Variants in CFAP20DC observed in about 807,000 individuals in gnomAD.
CFAP20DC encodes protein CFAP20DC.
CFAP20DC carries 84 observed loss-of-function variants against 101.7 expected under a neutral mutation model. The observed-to-expected ratio is 0.83, with a 90% CI of 0.69 to 0.99. The LOEUF (loss-of-function observed/expected upper bound fraction) is 0.99. Among genes scored for constraint, CFAP20DC ranks in the 50% least tolerant of loss-of-function variants. The pLI is 0.00. For missense variants in CFAP20DC, 1,007 were observed against 970.3 expected (o/e 1.04, Z -0.50); for synonymous variants, 359 against 351.2 (o/e 1.02, Z -0.25).
intron 4 of CFAP20DC, among the ~76,000 whole-genome samples, chr3:58,989,572 T>C: frequency 6.6e-6 from 1 of 152,146 alleles, no homozygotes; most frequent in Non-Finnish European, 1.5e-5. Context: ...AATTTTGTAA[T>C]ATAAGTACAT....
At chr3:58,805,655 T>C (rs1463344457) in intron 15 of CFAP20DC, among the ~76,000 whole-genome samples, 1 of 152,198 alleles carries the variant, frequency 6.6e-6, no homozygotes, top group Admixed American at 6.5e-5. Flanking sequence ...ATATGGACTT[T>C]TCAATAATTT....
intron 14 of CFAP20DC, among the ~76,000 whole-genome samples, chr3:58,819,517 T>C (rs1442412387): frequency 3.3e-5 from 5 of 149,720 alleles, no homozygotes; most frequent in Non-Finnish European, 7.4e-5. Flanking sequence ...CAAACACCTC[T>C]ACGCAAATAA....
At chr3:58,761,851 G>A (rs1416094790) in intron 15 of CFAP20DC, among the ~76,000 whole-genome samples, 1 of 152,176 alleles carries the variant, frequency 6.6e-6, no homozygotes, top group East Asian at 1.9e-4. Flanking sequence ...GCGGTTTTGA[G>A]TGAGTTTCTT....
chr3:58,862,628 A>G (rs1432287471), intron 12 of CFAP20DC: 2 of 985,302 alleles, frequency 2.0e-6, no homozygotes, highest in Non-Finnish European at 2.4e-6. Context: ...GGTGCTATGG[A>G]CTTAATCTGT....
intron 12 of CFAP20DC, among the ~76,000 whole-genome samples, chr3:58,855,443 T>C (rs1032350492): frequency 6.6e-6 from 1 of 152,064 alleles, no homozygotes; most frequent in Non-Finnish European, 1.5e-5. Flanking sequence ...TCCTCAGGGA[T>C]CTAGAACTAG....
chr3:58,923,397 G>A (rs531945560), intron 5 of CFAP20DC, among the ~76,000 whole-genome samples: 10 of 151,680 alleles, frequency 6.6e-5, no homozygotes, highest in Admixed American at 2.6e-4. Context: ...TAATATTTTC[G>A]TAGCATCAGT....
At position 58,753,845 on chromosome 3, in the gene CFAP20DC, C is replaced by T; in HGVS notation, c.2256G>A (p.Leu752=). The change falls in exon 16 of 17, where the codon TTG becomes TTA. Residue 752 remains leucine (L), a synonymous_variant. Coordinates refer to ENST00000482387, the MANE Select transcript of CFAP20DC (RefSeq NM_001394063.1). ...PSNPRDWLNM[L]SPPIVPPSQQ... ...GACTGGGAGGAACGATTGGTGGGCT[C>T]AACATATTTAACCAGTCCCTAAAAA... is the stretch of plus-strand genomic sequence containing the variant. The T allele has an allele frequency of 6.2e-7, 1 of 1,611,556 alleles. No individual in the cohort carries two copies. Among genetic ancestry groups the T allele is most frequent in the Non-Finnish European group, 8.5e-7 (1 of 1,178,458 alleles).
intron 15 of CFAP20DC, among the ~76,000 whole-genome samples, chr3:58,784,758 G>T (rs1433574206): frequency 2.0e-5 from 3 of 152,020 alleles, no homozygotes; most frequent in Non-Finnish European, 4.4e-5. Context: ...TTCCACAGTC[G>T]CTGAACTAAC....
Position 58,831,718 on chromosome 3 carries a change from C to A in CFAP20DC, c.2143G>T (p.Asp715Tyr), listed in dbSNP as rs557149953. The A allele has an allele frequency of 6.2e-7, 1 of 1,613,942 alleles. No homozygotes were observed. Among genetic ancestry groups the A allele is most frequent in the South Asian group, 1.1e-5 (1 of 91,062 alleles). Residue 715 changes from aspartate (D) to tyrosine (Y), a missense_variant, in exon 14 of 17, where the codon GAC (aspartate) becomes TAC (tyrosine). Asp to Tyr is a radical substitution (Grantham distance 160). Transcript: ENST00000482387. ...CNVSISTSSDDTTTWNSCLPP... is the reference protein window; with the variant it reads ...CNVSISTSSDYTTTWNSCLPP... ...AGGCAGGAGTTCCAGGTGGTTGTGT[C>A]GTCACTGCTGGTACTTATGCTGACA... is the stretch of plus-strand genomic sequence containing the variant.
chr3:58,863,201 T>C lies in CFAP20DC; in HGVS notation c.1593+357A>G, dbSNP rs974779432. 4.3e-6 allele frequency: 5 copies of C among 1,172,970 alleles called. No individual in the cohort carries two copies. The highest frequency in any genetic ancestry group is 5.2e-6 in the Non-Finnish European group (5 of 952,462). 72.7% of individuals were successfully genotyped at this position (1,172,970 alleles called of 1,614,324 possible). A position where few individuals can be genotyped will look rare whatever the true frequency, so the allele number is the denominator to read the frequency against. On this transcript the variant is annotated intron_variant, in intron 12 of 16. Coordinates refer to ENST00000482387, the MANE Select transcript of CFAP20DC (RefSeq NM_001394063.1). The surrounding 1 kb of genome is among the most constrained non-coding windows in gnomAD (Gnocchi z 5.9). ...GAATGCTTAGCAACTGCAACACAAT[T>C]TCTCCAGAGATCTAGAACAGTATAT...
At chr3:58,932,681 T>A (rs1209533075) in intron 5 of CFAP20DC, among the ~76,000 whole-genome samples, 1 of 152,078 alleles carries the variant, frequency 6.6e-6, no homozygotes, top group Non-Finnish European at 1.5e-5. Context: ...CTAAGCTTCA[T>A]AAGTGAAGGA....
At chr3:58,720,073 G>A (rs2067450220) in intron 3 of CFAP20DC, among the ~76,000 whole-genome samples, 1 of 152,174 alleles carries the variant, frequency 6.6e-6, no homozygotes, top group Admixed American at 6.5e-5. Flanking sequence ...TCAGGTCAAG[G>A]CCACCCTCCC....
chr3:58,757,054 G>T lies in CFAP20DC; in HGVS notation c.2238-3191C>A, dbSNP rs537096203. ...TATGTTTATTTTTGTATACTTAGAG[G>T]TAAATCCTGAAAAGGTAAATTTCTA... On this transcript the variant is annotated intron_variant, in intron 15 of 16. Coordinates refer to ENST00000482387, the MANE Select transcript of CFAP20DC (RefSeq NM_001394063.1). Among the ~76,000 whole-genome samples, 6 of 152,082 alleles carry T rather than the reference G, an allele frequency of 3.9e-5. No homozygotes were observed. In the South Asian group the frequency reaches 1.2e-3, roughly 32 times the overall value.
rs1267895640 is a variant in CFAP20DC, at chr3:58,799,732, TC to T, written c.2237+6662del. Among the ~76,000 whole-genome samples the T allele has an allele frequency of 8.4e-5, 11 of 130,232 alleles. No individual in the cohort carries two copies. Among genetic ancestry groups the T allele is most frequent in the African/African-American group, 2.2e-4 (7 of 31,412 alleles). 85.4% of individuals were successfully genotyped at this position (130,232 alleles called of 152,430 possible). A position where few individuals can be genotyped will look rare whatever the true frequency, so the allele number is the denominator to read the frequency against. ...CAGTGTGTGTGTGTCTGTGTGTGTGTCTGTGTGTGTGTGTGTGTGTGTGTGT... is the reference window on the plus strand; with the variant it reads ...CAGTGTGTGTGTGTCTGTGTGTGTGTTGTGTGTGTGTGTGTGTGTGTGTGT... On this transcript the variant is annotated intron_variant, in intron 15 of 16. Coordinates refer to ENST00000482387, the MANE Select transcript of CFAP20DC (RefSeq NM_001394063.1). This position sits in a 1 kb window ranked among gnomAD's most constrained non-coding sequence, Gnocchi z 4.9.
chr3:58,811,265 G>A (rs1380202336), intron 14 of CFAP20DC, among the ~76,000 whole-genome samples: 2 of 152,090 alleles, frequency 1.3e-5, no homozygotes, highest in Admixed American at 6.6e-5. Flanking sequence ...TAAGCCAAAA[G>A]AACAAAGCTG....
intron 6 of CFAP20DC, among the ~76,000 whole-genome samples, chr3:58,911,051 A>G (rs2084100879): frequency 6.6e-6 from 1 of 152,138 alleles, no homozygotes; most frequent in Non-Finnish European, 1.5e-5. Flanking sequence ...CATCTTATGA[A>G]TGGAAACTAT....
At chr3:58,808,826 C>T (rs1474588739) in intron 14 of CFAP20DC, among the ~76,000 whole-genome samples, 3 of 152,252 alleles carry the variant, frequency 2.0e-5, no homozygotes, top group South Asian at 2.1e-4. Flanking sequence ...ACCCATCTCA[C>T]ATGCAGAGAC....
Position 58,892,307 on chromosome 3 carries a change from G to C in CFAP20DC, c.551-7598C>G, listed in dbSNP as rs966792093. On this transcript the variant is annotated intron_variant, in intron 6 of 16. Coordinates refer to ENST00000482387, the MANE Select transcript of CFAP20DC (RefSeq NM_001394063.1). This position sits in a 1 kb window ranked among gnomAD's most constrained non-coding sequence, Gnocchi z 4.0. Reference sequence around the variant, plus strand: ...GTTCTTTTTGCTTAAGATTGTCTTGGCTATACAGATTCTTTTTTGGTTCCA... The same window carrying C: ...GTTCTTTTTGCTTAAGATTGTCTTGCCTATACAGATTCTTTTTTGGTTCCA... Among the ~76,000 whole-genome samples, 2 of 152,164 alleles carry C rather than the reference G, an allele frequency of 1.3e-5. No homozygotes were observed. Among genetic ancestry groups the C allele is most frequent in the Non-Finnish European group, 2.9e-5 (2 of 68,018 alleles).
intron 15 of CFAP20DC, among the ~76,000 whole-genome samples, chr3:58,763,909 A>T (rs2069966430): frequency 6.6e-6 from 1 of 152,184 alleles, no homozygotes; most frequent in African/African-American, 2.4e-5. Context: ...GTTTTATCTC[A>T]GAGGCATACC....
Sources: gnomAD v4.1 joint callset for allele counts (sites outside exome capture counted in the v4.1 genomes callset) on GRCh38, gnomAD v4.1.1 for gene constraint, Gnocchi (gnomAD v3.1) non-coding constraint, MANE v1.5 for transcripts, NCBI Gene and HGNC (gene_info 2026-07-23, HGNC 2026-07-21) for gene names.